SORCS3: variants seen among roughly 807,000 people sequenced by gnomAD.
SORCS3 encodes sortilin related VPS10 domain containing receptor 3, also known as VPS10 domain-containing receptor SorCS3.
In SORCS3, 57 loss-of-function variants were observed where a neutral mutation model predicts 146.3. That is an observed-to-expected ratio of 0.39 (90% confidence interval 0.31 to 0.49). The LOEUF (loss-of-function observed/expected upper bound fraction) is 0.49, where lower values mean the gene tolerates loss of function less well. Among genes scored for constraint, SORCS3 ranks in the 20% least tolerant of loss-of-function variants. The probability of loss-of-function intolerance (pLI) is 0.92; values close to 1 mark genes in which losing one functional copy is unlikely to be tolerated. For missense variants in SORCS3, 1,341 were observed against 1,575.5 expected (o/e 0.85, Z 2.52); for synonymous variants, 653 against 618.5 (o/e 1.06, Z -0.83).
At chr10:104,857,714 T>C (rs986060534) in intron 2 of SORCS3, among the ~76,000 whole-genome samples, 2 of 145,276 alleles carry the variant, frequency 1.4e-5, no homozygotes, top group African/African-American at 5.7e-5. Context: ...ACTGGTGTCA[T>C]TGAGTCTTAC....
intron 5 of SORCS3, among the ~76,000 whole-genome samples, chr10:105,046,012 T>G (rs2133706711): frequency 6.6e-6 from 1 of 152,266 alleles, no homozygotes. Flanking sequence ...CTCTACTTTT[T>G]GTTGAGTCAT....
At chr10:104,767,519 A>G (rs2017194464) in intron 1 of SORCS3, among the ~76,000 whole-genome samples, 1 of 152,098 alleles carries the variant, frequency 6.6e-6, no homozygotes, top group African/African-American at 2.4e-5. Context: ...GTTAGGTATC[A>G]GTACATGTCT....
In SORCS3 at chr10:104,688,556, G is replaced by A. The variant is rs189772129; in HGVS notation, c.627+46602G>A. On this transcript the variant is annotated intron_variant, in intron 1 of 26. Coordinates refer to ENST00000369701, the MANE Select transcript of SORCS3 (RefSeq NM_014978.3). ...TTTCTTCTTGAAAGAAGCAGCCTGC[G>A]GAGCTCTGAGCGTTCTCACCCCTAA... Among the ~76,000 whole-genome samples the A allele has an allele frequency of 9.5e-4, 144 of 152,334 alleles. 1 individual carries two copies. Among genetic ancestry groups the A allele is most frequent in the African/African-American group, 3.2e-3 (134 of 41,582 alleles).
intron 23 of SORCS3, among the ~76,000 whole-genome samples, chr10:105,253,974 T>C (rs1188906787): frequency 6.6e-6 from 1 of 152,220 alleles, no homozygotes; most frequent in African/African-American, 2.4e-5. Flanking sequence ...AAATAGGTAA[T>C]TACAGTGATG....
At chr10:104,860,237 C>A (rs2018384881) in intron 2 of SORCS3, among the ~76,000 whole-genome samples, 1 of 109,930 alleles carries the variant, frequency 9.1e-6, no homozygotes, top group Non-Finnish European at 2.0e-5. Context: ...TACTATGCAG[C>A]CATAAAAAAT....
intron 20 of SORCS3, among the ~76,000 whole-genome samples, chr10:105,231,342 T>C (rs2056764279): frequency 6.6e-6 from 1 of 152,222 alleles, no homozygotes. Flanking sequence ...AGGAAAGTGA[T>C]CAACTTTTAT....
chr10:105,052,319 A>G (rs553776262), intron 5 of SORCS3, among the ~76,000 whole-genome samples: 2 of 151,546 alleles, frequency 1.3e-5, no homozygotes, highest in Non-Finnish European at 3.0e-5. Context: ...CACCGGAAAC[A>G]CTGTTGTTTT....
chr10:105,214,279 T>C (rs1369309939), intron 17 of SORCS3, among the ~76,000 whole-genome samples, 163 bp from the exon 18 acceptor site: 2 of 152,162 alleles, frequency 1.3e-5, no homozygotes, highest in Non-Finnish European at 2.9e-5. Flanking sequence ...TTCAGCTTCG[T>C]AAATGACTGT....
intron 1 of SORCS3, among the ~76,000 whole-genome samples, chr10:104,840,362 AC>A (rs764456440): frequency 6.6e-6 from 1 of 151,948 alleles, no homozygotes; most frequent in Non-Finnish European, 1.5e-5. Flanking sequence ...TTTGGGTTTC[AC>A]CCTTAGGAAT....
chr10:104,777,249 A>G (rs2017320711), intron 1 of SORCS3, among the ~76,000 whole-genome samples: 1 of 152,218 alleles, frequency 6.6e-6, no homozygotes, highest in African/African-American at 2.4e-5. Flanking sequence ...CGATACCCAG[A>G]CAAGGGAAAT....
At chr10:104,720,358 T>C (rs2016531832) in intron 1 of SORCS3, among the ~76,000 whole-genome samples, 1 of 152,254 alleles carries the variant, frequency 6.6e-6, no homozygotes, top group Non-Finnish European at 1.5e-5. Context: ...TGCCACATTT[T>C]CTTAATCCAG....
At chr10:104,948,700 G>A (rs940665389) in intron 3 of SORCS3, among the ~76,000 whole-genome samples, 5 of 152,208 alleles carry the variant, frequency 3.3e-5, no homozygotes, top group African/African-American at 1.2e-4. Flanking sequence ...GCAAGAGGAA[G>A]ATTACTGCGG....
chr10:104,939,288 T>C (rs1398488911), intron 3 of SORCS3, among the ~76,000 whole-genome samples: 2 of 152,194 alleles, frequency 1.3e-5, no homozygotes, highest in Non-Finnish European at 2.9e-5. Flanking sequence ...GCCATTTATG[T>C]CTTTGTGTCT....
At chr10:105,020,824 C>T (rs1028456996) in intron 4 of SORCS3, among the ~76,000 whole-genome samples, 1 of 152,184 alleles carries the variant, frequency 6.6e-6, no homozygotes, top group East Asian at 1.9e-4. Context: ...TTCTGCCATT[C>T]GTGGAGGGAT....
chr10:104,703,469 A>G (rs904771525), intron 1 of SORCS3, among the ~76,000 whole-genome samples: 3 of 152,130 alleles, frequency 2.0e-5, no homozygotes, highest in African/African-American at 7.2e-5. Context: ...TCTGATGATC[A>G]GTGCCATCAT....
In SORCS3 at chr10:104,702,838, T is replaced by C. The variant is rs113598832; in HGVS notation, c.627+60884T>C. 7.4e-3 allele frequency among the ~76,000 whole-genome samples: 1,120 copies of C among 152,280 alleles called. 10 individuals are homozygous for C. Among genetic ancestry groups the C allele is most frequent in the African/African-American group, 0.025 (1,034 of 41,562 alleles). ...ACCACTTAATCTCACTGAGTCTGGT[T>C]TCAACTATACGAATATCTAGCTTGC... On this transcript the variant is annotated intron_variant, in intron 1 of 26. Transcript: ENST00000369701.
intron 3 of SORCS3, among the ~76,000 whole-genome samples, chr10:104,917,066 T>C (rs1412214340): frequency 4.6e-5 from 7 of 152,166 alleles, no homozygotes; most frequent in Non-Finnish European, 7.4e-5. Context: ...GGGAGCAGAA[T>C]TGTTGACTTA....
intron 5 of SORCS3, among the ~76,000 whole-genome samples, chr10:105,050,239 T>G (rs974304973): frequency 5.3e-5 from 8 of 152,132 alleles, no homozygotes; most frequent in Non-Finnish European, 1.2e-4. Context: ...CCTGCCAGTC[T>G]ATGGTGTTCT....
intron 1 of SORCS3, among the ~76,000 whole-genome samples, chr10:104,728,969 G>A (rs1322059833): frequency 6.6e-6 from 1 of 152,174 alleles, no homozygotes; most frequent in African/African-American, 2.4e-5. Flanking sequence ...ACACTATAAT[G>A]TAATATAATA....
Sources: gnomAD v4.1 joint callset for allele counts (sites outside exome capture counted in the v4.1 genomes callset) on GRCh38, gnomAD v4.1.1 for gene constraint, MANE v1.5 for transcripts, NCBI Gene and HGNC (gene_info 2026-07-23, HGNC 2026-07-21) for gene names.